CNTN4: variants seen among roughly 807,000 people sequenced by gnomAD.
CNTN4 encodes the protein contactin-4.
A neutral mutation model predicts 122.5 loss-of-function variants in CNTN4; 77 were observed. That is an observed-to-expected ratio of 0.63 (90% CI 0.52 to 0.76). The LOEUF (loss-of-function observed/expected upper bound fraction) is 0.76, where lower values mean the gene tolerates loss of function less well. CNTN4 is among the 30% of genes least tolerant of loss of function. The probability of loss-of-function intolerance (pLI) is 0.00; values close to 1 mark genes in which losing one functional copy is unlikely to be tolerated. For synonymous variants in CNTN4, 512 were observed against 447.0 expected (o/e 1.15, Z -1.83); for missense variants, 1,256 against 1,259.1 (o/e 1.00, Z 0.04).
At chr3:2,858,715 A>G (rs1401019971) in intron 7 of CNTN4, among the ~76,000 whole-genome samples, 1 of 151,986 alleles carries the variant, frequency 6.6e-6, no homozygotes, top group Non-Finnish European at 1.5e-5. Flanking sequence ...TCAGAAAAAA[A>G]AAAAGAAAAA....
intron 4 of CNTN4, among the ~76,000 whole-genome samples, chr3:2,704,545 C>A (rs2086542596): frequency 6.6e-6 from 1 of 152,056 alleles, no homozygotes; most frequent in Admixed American, 6.6e-5. Context: ...AATGCAGTGA[C>A]AAAACTGGCA....
intron 3 of CNTN4, among the ~76,000 whole-genome samples, chr3:2,457,385 CA>C (rs1315541998): frequency 6.6e-6 from 1 of 151,890 alleles, no homozygotes; most frequent in Non-Finnish European, 1.5e-5. Flanking sequence ...TAACAAACAA[CA>C]AAAAACAAGC....
At chr3:2,612,281 C>T (rs1001540298) in intron 4 of CNTN4, among the ~76,000 whole-genome samples, 3 of 152,072 alleles carry the variant, frequency 2.0e-5, no homozygotes, top group Non-Finnish European at 2.9e-5. Flanking sequence ...CTAACTTAAA[C>T]ATAATGAGAT....
At chr3:2,167,520 A>G (rs574425015) in intron 2 of CNTN4, among the ~76,000 whole-genome samples, 4 of 152,212 alleles carry the variant, frequency 2.6e-5, no homozygotes, top group African/African-American at 7.2e-5. Flanking sequence ...TAAACATTCA[A>G]GAAGAAATTA....
intron 3 of CNTN4, among the ~76,000 whole-genome samples, chr3:2,456,856 A>G (rs927869636): frequency 6.6e-6 from 1 of 152,060 alleles, no homozygotes; most frequent in African/African-American, 2.4e-5. Context: ...TGCTTGAGGA[A>G]CTGTTTTCCA....
At chr3:2,621,163 C>T (rs993863021) in intron 4 of CNTN4, among the ~76,000 whole-genome samples, 1 of 152,114 alleles carries the variant, frequency 6.6e-6, no homozygotes. Context: ...GTTAAGCACC[C>T]CCTGTTCTCG....
intron 2 of CNTN4, among the ~76,000 whole-genome samples, chr3:2,192,899 G>C (rs1423102057): frequency 6.6e-6 from 1 of 152,196 alleles, no homozygotes; most frequent in Non-Finnish European, 1.5e-5. Context: ...GGGTGTGAGA[G>C]TGTGTATGTG....
chr3:2,510,323 A>G (rs1452858117), intron 3 of CNTN4, among the ~76,000 whole-genome samples: 1 of 149,892 alleles, frequency 6.7e-6, no homozygotes, highest in East Asian at 2.0e-4. Context: ...TATTGTACAG[A>G]AAAGAAAACT....
chr3:2,112,924 T>C (rs994078408), intron 2 of CNTN4, among the ~76,000 whole-genome samples: 1 of 152,122 alleles, frequency 6.6e-6, no homozygotes, highest in Admixed American at 6.5e-5. Flanking sequence ...CATGCCCTAG[T>C]ATTCTCCCCT....
chr3:2,602,985 T>G (rs2081110811), intron 4 of CNTN4, among the ~76,000 whole-genome samples: 1 of 152,210 alleles, frequency 6.6e-6, no homozygotes, highest in African/African-American at 2.4e-5. Flanking sequence ...TCAGGGTGGC[T>G]TAGGTGGCTT....
At chr3:2,956,276 T>C (rs2094798648) in intron 13 of CNTN4, among the ~76,000 whole-genome samples, 1 of 151,946 alleles carries the variant, frequency 6.6e-6, no homozygotes, top group Non-Finnish European at 1.5e-5. Flanking sequence ...GGTTACAAGG[T>C]GATGGGAAGG....
At chr3:2,255,436 T>C (rs2040542813) in intron 2 of CNTN4, among the ~76,000 whole-genome samples, 2 of 152,198 alleles carry the variant, frequency 1.3e-5, no homozygotes, top group African/African-American at 4.8e-5. Flanking sequence ...CATGTGGATC[T>C]AATAGACATC....
At chr3:2,600,288 T>C (rs2080980004) in intron 4 of CNTN4, among the ~76,000 whole-genome samples, 1 of 151,856 alleles carries the variant, frequency 6.6e-6, no homozygotes, top group African/African-American at 2.4e-5. Context: ...CACGCCATGT[T>C]GTGTGCTGCA....
intron 6 of CNTN4, among the ~76,000 whole-genome samples, chr3:2,763,852 T>C (rs1331538213): frequency 6.6e-6 from 1 of 152,180 alleles, no homozygotes; most frequent in Non-Finnish European, 1.5e-5. Flanking sequence ...TGTCTGTTTT[T>C]GTACCAATAC....
chr3:2,115,973 G>C (rs2033322231), intron 2 of CNTN4, among the ~76,000 whole-genome samples: 6 of 152,182 alleles, frequency 3.9e-5, no homozygotes, highest in Admixed American at 3.9e-4. Flanking sequence ...GGAACCATGA[G>C]TCTTGGTATT....
At chr3:3,048,753 A>G (rs867779665) in intron 23 of CNTN4, among the ~76,000 whole-genome samples, 5 of 152,152 alleles carry the variant, frequency 3.3e-5, no homozygotes, top group Non-Finnish European at 7.4e-5. Flanking sequence ...TCCAAAATTA[A>G]GTTTTCCTCC....
chr3:2,203,205 A>G (rs1189674854), intron 2 of CNTN4, among the ~76,000 whole-genome samples: 1 of 152,148 alleles, frequency 6.6e-6, no homozygotes, highest in African/African-American at 2.4e-5. Flanking sequence ...TTTACACAGT[A>G]TTTAACATTT....
intron 3 of CNTN4, among the ~76,000 whole-genome samples, chr3:2,558,283 G>T (rs2078804951): frequency 6.6e-6 from 1 of 152,054 alleles, no homozygotes; most frequent in South Asian, 2.1e-4. Flanking sequence ...CCTTATTAGG[G>T]GTTTACCAGT....
At chr3:2,296,859 T>C (rs1287771867) in intron 2 of CNTN4, among the ~76,000 whole-genome samples, 3 of 152,068 alleles carry the variant, frequency 2.0e-5, no homozygotes, top group Non-Finnish European at 4.4e-5. Flanking sequence ...AAAACTCACC[T>C]TTCAGATGTT....
Sources: allele counts gnomAD v4.1 joint callset (sites outside exome capture counted in the v4.1 genomes callset), GRCh38; gene constraint gnomAD v4.1.1; transcripts MANE v1.5; gene names NCBI Gene and HGNC (gene_info 2026-07-23, HGNC 2026-07-21).